The following HADH variants were observed in gnomAD, a reference collection of about 807,000 sequenced individuals.
HADH encodes the protein hydroxyacyl-coenzyme A dehydrogenase, mitochondrial.
HADH carries 24 observed loss-of-function variants against 32.2 expected under a neutral mutation model. The observed-to-expected ratio is 0.75, with a 90% CI of 0.54 to 1.05. HADH has a LOEUF of 1.05. Among genes scored for constraint, HADH ranks in the 50% least tolerant of loss-of-function variants. The pLI is 0.00. For synonymous variants in HADH, 139 were observed against 152.5 expected, an observed-to-expected ratio of 0.91 and a Z score of 0.65; for missense variants, 350 against 397.1, an observed-to-expected ratio of 0.88 and a Z score of 1.01.
Position 108,027,681 on chromosome 4 carries a change from A to G in HADH, c.637-7A>G. 1 of 1,591,926 alleles carries G rather than the reference A, an allele frequency of 6.3e-7. No homozygotes were observed. Among genetic ancestry groups the G allele is most frequent in the Non-Finnish European group, 8.6e-7 (1 of 1,159,734 alleles). On this transcript the variant is annotated splice_polypyrimidine_tract_variant and splice_region_variant and intron_variant, in intron 5 of 7. Coordinates refer to ENST00000309522, the MANE Select transcript of HADH (RefSeq NM_005327.7). ...CTAGTTTTTTGTTTTTCTGTCTCCC[A>G]AAACAGGACACTCCTGGGTTTATTG...
intron 2 of HADH, among the ~76,000 whole-genome samples, chr4:108,012,446 C>A (rs571467642): frequency 2.0e-5 from 3 of 152,274 alleles, no homozygotes; most frequent in African/African-American, 7.2e-5. Flanking sequence ...CAAGAGTACA[C>A]CGAACAAAGG....
chr4:108,028,055 G>A (rs1736124430), intron 6 of HADH: 2 of 486,358 alleles, frequency 4.1e-6, no homozygotes, highest in Non-Finnish European at 7.3e-6. Flanking sequence ...CTGGATCTCT[G>A]CTTTTGATTA....
intron 2 of HADH, among the ~76,000 whole-genome samples, chr4:108,013,709 TA>T (rs1177763028): frequency 1.3e-5 from 2 of 152,140 alleles, no homozygotes; most frequent in African/African-American, 4.8e-5. Flanking sequence ...ATTTTAAAGC[TA>T]TAATAGGGGA....
At chr4:108,022,981 A>G (rs1186471637) in intron 4 of HADH, among the ~76,000 whole-genome samples, 2 of 146,472 alleles carry the variant, frequency 1.4e-5, no homozygotes, top group Non-Finnish European at 3.0e-5. Flanking sequence ...TACATTCTAC[A>G]GTACACTGTT....
intron 2 of HADH, among the ~76,000 whole-genome samples, chr4:108,011,426 G>T (rs1210976075): frequency 1.3e-5 from 2 of 152,172 alleles, no homozygotes; most frequent in Non-Finnish European, 2.9e-5. Context: ...GAGAGCATGT[G>T]CAGGGGAACT....
chr4:107,993,636 T>C (rs761371706), intron 1 of HADH, among the ~76,000 whole-genome samples: 2 of 152,248 alleles, frequency 1.3e-5, no homozygotes, highest in African/African-American at 4.8e-5. Context: ...ACAAGTTCAG[T>C]GCTTAATTAC....
At chr4:107,999,987 A>G (rs999077200) in intron 1 of HADH, among the ~76,000 whole-genome samples, 3 of 152,240 alleles carry the variant, frequency 2.0e-5, no homozygotes, top group African/African-American at 7.2e-5. Flanking sequence ...AGATATATGT[A>G]TACATTGTAC....
At chr4:108,008,873 T>C (rs1270578367) in intron 1 of HADH, among the ~76,000 whole-genome samples, 1 of 152,206 alleles carries the variant, frequency 6.6e-6, no homozygotes, top group African/African-American at 2.4e-5. Context: ...AATGATCTTC[T>C]TTTAGCCACA....
At chr4:108,025,905 A>G (rs927417157) in intron 5 of HADH, 3 of 152,266 alleles carry the variant, frequency 2.0e-5, no homozygotes, top group Admixed American at 6.5e-5. Flanking sequence ...GTGTCTTTTC[A>G]CATTCCACCA....
At chr4:108,010,850 T>C (rs1425832595) in intron 2 of HADH, among the ~76,000 whole-genome samples, 1 of 116,482 alleles carries the variant, frequency 8.6e-6, no homozygotes, top group Non-Finnish European at 1.8e-5. Context: ...AACTTCATTC[T>C]TTTTTTTTTT....
chr4:108,001,235 G>A (rs1425791344), intron 1 of HADH, among the ~76,000 whole-genome samples: 4 of 152,188 alleles, frequency 2.6e-5, no homozygotes, highest in Non-Finnish European at 5.9e-5. Flanking sequence ...CAGTAATGAA[G>A]GCCAAGGAGA....
At chr4:108,018,778 C>T (rs951207023) in intron 3 of HADH, among the ~76,000 whole-genome samples, 1 of 152,240 alleles carries the variant, frequency 6.6e-6, no homozygotes, top group East Asian at 1.9e-4. Context: ...CGCAAGGTGG[C>T]GCTGCAGGAA....
intron 1 of HADH, among the ~76,000 whole-genome samples, chr4:107,991,994 G>A (rs1433947255): frequency 6.6e-6 from 1 of 152,172 alleles, no homozygotes; most frequent in Admixed American, 6.5e-5. Context: ...TTCTTTGAAT[G>A]CTGCATCCAT....
chr4:107,998,574 G>A (rs1463421520), intron 1 of HADH, among the ~76,000 whole-genome samples: 6 of 152,134 alleles, frequency 3.9e-5, no homozygotes, highest in African/African-American at 7.2e-5. Flanking sequence ...TACCGCGCCC[G>A]GCTGATTTTT....
chr4:108,032,845 G>T, intron 6 of HADH: 1 of 372,594 alleles, frequency 2.7e-6, no homozygotes, highest in Non-Finnish European at 5.1e-6. Context: ...AGCCTTGTGT[G>T]GGGGCGCACA....
At chr4:108,009,977 C>CTTTCTTTTTTTTT in intron 2 of HADH, 90 bp downstream of exon 2, 1 of 550,030 alleles carries the variant, frequency 1.8e-6, no homozygotes. Flanking sequence ...TTCTTTCTTT[C>CTTTCTTTTTTTTT]TTTTTTTTTT....
intron 2 of HADH, among the ~76,000 whole-genome samples, chr4:108,012,422 C>T (rs879737855): frequency 6.6e-6 from 1 of 152,174 alleles, no homozygotes; most frequent in Non-Finnish European, 1.5e-5. Flanking sequence ...GTACACTCGC[C>T]AGCATTTTTG....
intron 1 of HADH, among the ~76,000 whole-genome samples, chr4:107,994,467 GAA>G (rs1734898782): frequency 6.6e-6 from 1 of 152,142 alleles, no homozygotes; most frequent in South Asian, 2.1e-4. Flanking sequence ...TTCTGATGCT[GAA>G]AAAGAGAATG....
intron 6 of HADH, chr4:108,032,483 C>T (rs1736306188): frequency 1.6e-6 from 1 of 614,558 alleles, no homozygotes; most frequent in Non-Finnish European, 3.0e-6. Flanking sequence ...ACTATACATA[C>T]AAAAGCAGAA....
Sources: allele counts gnomAD v4.1 joint callset (sites outside exome capture counted in the v4.1 genomes callset), GRCh38; gene constraint gnomAD v4.1.1; transcripts MANE v1.5; gene names NCBI Gene and HGNC (gene_info 2026-07-23, HGNC 2026-07-21).